Variants in JAKMIP3 observed in about 807,000 individuals in gnomAD.
The protein encoded by JAKMIP3 is Janus kinase and microtubule interacting protein 3, also known as janus kinase and microtubule-interacting protein 3.
Under a neutral mutation model 118.5 loss-of-function variants are expected in JAKMIP3, and 58 were observed. That is an observed-to-expected ratio of 0.49 (90% CI 0.40 to 0.61). JAKMIP3 has a LOEUF of 0.61. Among genes scored for constraint, JAKMIP3 ranks in the 20% least tolerant of loss-of-function variants. The pLI, the probability that JAKMIP3 is intolerant of heterozygous loss-of-function variation, is 0.00. For missense variants in JAKMIP3, 950 were observed against 1,109.0 expected (o/e 0.86, Z 2.04); for synonymous variants, 486 against 451.2 (o/e 1.08, Z -0.98).
intron 2 of JAKMIP3, among the ~76,000 whole-genome samples, chr10:132,115,467 C>T (rs2047501792): frequency 6.6e-6 from 1 of 152,252 alleles, no homozygotes; most frequent in African/African-American, 2.4e-5. Context: ...CGCCACAGCC[C>T]TGATCTTGCA....
chr10:132,048,227 C>G (rs1287979272), intron 1 of JAKMIP3, among the ~76,000 whole-genome samples: 1 of 152,162 alleles, frequency 6.6e-6, no homozygotes, highest in East Asian at 1.9e-4. Context: ...TTGGGAAGTC[C>G]CTGTTCAGAG....
chr10:132,128,446 G>A (rs2135577543), intron 3 of JAKMIP3, among the ~76,000 whole-genome samples: 1 of 152,300 alleles, frequency 6.6e-6, no homozygotes. Flanking sequence ...CTGAAGGGAT[G>A]TCTTTTACCA....
At chr10:132,071,336 T>C (rs1423678508) in intron 1 of JAKMIP3, among the ~76,000 whole-genome samples, 1 of 152,246 alleles carries the variant, frequency 6.6e-6, no homozygotes, top group Non-Finnish European at 1.5e-5. Context: ...GCAAATAGTC[T>C]ATTTTGATGA....
chr10:132,078,897 G>A (rs899812153), intron 1 of JAKMIP3, among the ~76,000 whole-genome samples: 1 of 152,222 alleles, frequency 6.6e-6, no homozygotes, highest in Non-Finnish European at 1.5e-5. Flanking sequence ...ATTGGCCGTG[G>A]CCGCCGTGCG....
chr10:132,139,186 ATGTGTGTGTATGAGTG>A (rs2052620293), intron 9 of JAKMIP3, among the ~76,000 whole-genome samples: 2 of 92,748 alleles, frequency 2.2e-5, no homozygotes, highest in South Asian at 2.9e-4. Flanking sequence ...GTGTCTGTGT[ATGTGTGTGTATGAGTG>A]TGTGTGTGTA....
intron 1 of JAKMIP3, among the ~76,000 whole-genome samples, chr10:132,102,103 A>G (rs1242209751): frequency 6.6e-6 from 1 of 152,054 alleles, no homozygotes; most frequent in Admixed American, 6.5e-5. Context: ...CTCCTGTCCC[A>G]TCTCTAGGAG....
chr10:132,176,553 T>C (rs918413162), intron 23 of JAKMIP3, among the ~76,000 whole-genome samples: 2 of 152,222 alleles, frequency 1.3e-5, no homozygotes, highest in Admixed American at 6.5e-5. Flanking sequence ...GAGGGCTTTG[T>C]GCAGTGCTTT....
At chr10:132,161,166 C>G (rs1202837520) in intron 19 of JAKMIP3, among the ~76,000 whole-genome samples, 1 of 24,366 alleles carries the variant, frequency 4.1e-5, no homozygotes, top group African/African-American at 1.2e-4. Context: ...GGAGCCTCTT[C>G]CTGTGTGATG....
At chr10:132,148,830 G>A (rs773495919) in intron 14 of JAKMIP3, among the ~76,000 whole-genome samples, 55 of 152,312 alleles carry the variant, frequency 3.6e-4, no homozygotes, top group Middle Eastern at 3.4e-3. Flanking sequence ...CACAGGGGCC[G>A]CCCCTGCCGA....
intron 3 of JAKMIP3, among the ~76,000 whole-genome samples, chr10:132,120,832 C>G (rs757341778): frequency 6.6e-6 from 1 of 152,354 alleles, no homozygotes; most frequent in East Asian, 1.9e-4. Context: ...CCCGTGGTGA[C>G]GGACAGGGCT....
chr10:132,051,880 T>C (rs1484512059), intron 1 of JAKMIP3, among the ~76,000 whole-genome samples: 2 of 152,242 alleles, frequency 1.3e-5, no homozygotes, highest in Non-Finnish European at 2.9e-5. Context: ...AGTGCTGGGA[T>C]TACAGGTGTT....
chr10:132,051,891 A>T (rs1183136265), intron 1 of JAKMIP3, among the ~76,000 whole-genome samples: 2 of 152,242 alleles, frequency 1.3e-5, no homozygotes, highest in African/African-American at 4.8e-5. Context: ...TACAGGTGTT[A>T]GCCACCACGC....
At chr10:132,099,350 A>G (rs1227952619) in intron 1 of JAKMIP3, among the ~76,000 whole-genome samples, 2 of 152,242 alleles carry the variant, frequency 1.3e-5, no homozygotes, top group African/African-American at 4.8e-5. Context: ...ACCAGAGGTC[A>G]ACCCAAAGCA....
At chr10:132,113,067 G>C (rs2135224681) in intron 2 of JAKMIP3, among the ~76,000 whole-genome samples, 1 of 152,268 alleles carries the variant, frequency 6.6e-6, no homozygotes, top group Non-Finnish European at 1.5e-5. Flanking sequence ...GTATATCCCT[G>C]GTCTGAAAGC....
At position 132,162,806 on chromosome 10, in the gene JAKMIP3, C is replaced by T. The variant is rs1388333595; in HGVS notation, c.2221-403C>T. On this transcript the variant is annotated intron_variant, in intron 19 of 23. Coordinates refer to ENST00000684848, the MANE Select transcript of JAKMIP3 (RefSeq NM_001323087.2). ...TGTATTTTGGCTGCTGGTTATAGCA[C>T]CAGGATCGGGTTCCATGGGTCTGTG... Among the ~76,000 whole-genome samples, 3 of 68,600 alleles carry T rather than the reference C, an allele frequency of 4.4e-5. No homozygotes were observed. In the East Asian group the frequency reaches 1.1e-3, roughly 25 times the overall value. 45.0% of individuals were successfully genotyped at this position (68,600 alleles called of 152,430 possible).
Position 132,179,299 on chromosome 10 carries a change from C to T in JAKMIP3, c.*1104-3058C>T, listed in dbSNP as rs2637658. On this transcript the variant is annotated intron_variant, in intron 23 of 23. Coordinates refer to ENST00000684848, the MANE Select transcript of JAKMIP3 (RefSeq NM_001323087.2). The surrounding 1 kb of genome is among the most constrained non-coding windows in gnomAD (Gnocchi z 4.3). ...ACGGTCACGGGGCTGTATTTGTTGA[C>T]GGGACTTTTGGGCTCCCCGGGCTCT... Among the ~76,000 whole-genome samples the T allele has an allele frequency of 0.096, 14,678 of 152,222 alleles. 771 individuals carry two copies. Among genetic ancestry groups the T allele is most frequent in the Middle Eastern group, 0.14 (40 of 294 alleles).
At chr10:132,158,101 G>A (rs1331831961) in intron 19 of JAKMIP3, among the ~76,000 whole-genome samples, 11 of 21,008 alleles carry the variant, frequency 5.2e-4, no homozygotes, top group Non-Finnish European at 1.2e-3. Context: ...GCCCCGCCCC[G>A]CCCCCGGCAG....
chr10:132,105,129 G>A (rs1018471947), intron 2 of JAKMIP3, among the ~76,000 whole-genome samples, 186 bp downstream of exon 2: 1 of 152,184 alleles, frequency 6.6e-6, no homozygotes, highest in African/African-American at 2.4e-5. Context: ...TTGAGGGCCT[G>A]TAGGCACAGG....
intron 1 of JAKMIP3, among the ~76,000 whole-genome samples, chr10:132,080,539 TAA>T (rs2041618827): frequency 1.9e-5 from 2 of 107,688 alleles, no homozygotes; most frequent in Admixed American, 2.4e-4. Flanking sequence ...TTTTTTTTTT[TAA>T]GATGGAGTCT....
Sources: allele counts gnomAD v4.1 joint callset (sites outside exome capture counted in the v4.1 genomes callset), GRCh38; gene constraint gnomAD v4.1.1; non-coding constraint Gnocchi (gnomAD v3.1); transcripts MANE v1.5; gene names NCBI Gene and HGNC (gene_info 2026-07-23, HGNC 2026-07-21).